Variants in LDLRAD4 observed in about 807,000 individuals in gnomAD.
The protein encoded by LDLRAD4 is low-density lipoprotein receptor class A domain-containing protein 4.
A neutral mutation model predicts 17.0 loss-of-function variants in LDLRAD4; 5 were observed. The ratio of observed to expected loss-of-function variants is 0.29; its 90% CI spans 0.15 to 0.62. The LOEUF (loss-of-function observed/expected upper bound fraction) is 0.62. Ranked by LOEUF, LDLRAD4 falls within the 20% of genes least tolerant of loss-of-function variation. The probability of loss-of-function intolerance (pLI) is 0.84; values close to 1 mark genes in which losing one functional copy is unlikely to be tolerated. For synonymous variants in LDLRAD4, 168 were observed against 171.8 expected (o/e 0.98, Z 0.17); for missense variants, 340 against 424.7 (o/e 0.80, Z 1.75).
rs397793931 is a variant in LDLRAD4 at position 13,450,326 on chromosome 18, A to ACCC, written c.181+11951_181+11953dup. Among the ~76,000 whole-genome samples, 380 of 67,994 alleles carry ACCC rather than the reference A, an allele frequency of 5.6e-3. 10 individuals are homozygous for ACCC. Among genetic ancestry groups the ACCC allele is most frequent in the South Asian group, 0.016 (24 of 1,530 alleles). 44.6% of individuals were successfully genotyped at this position (67,994 alleles called of 152,430 possible). ...CAGTGCAGTTAGCTTCTCTCCCCCCACCCCCCCCCCCAAAAAAACACACAA... is the reference window on the plus strand; with the variant it reads ...CAGTGCAGTTAGCTTCTCTCCCCCCACCCCCCCCCCCCCCAAAAAAACACACAA... On this transcript the variant is annotated intron_variant, in intron 3 of 5. Coordinates refer to ENST00000359446, the Ensembl canonical transcript of LDLRAD4.
chr18:13,495,431 C>T (rs906201349), intron 3 of LDLRAD4, among the ~76,000 whole-genome samples: 1 of 152,224 alleles, frequency 6.6e-6, no homozygotes, highest in African/African-American at 2.4e-5. Flanking sequence ...CTTCAGTCAA[C>T]AAATGTTTTC....
intron 2 of LDLRAD4, among the ~76,000 whole-genome samples, chr18:13,436,881 G>A (rs188117125): frequency 3.5e-4 from 54 of 152,346 alleles, no homozygotes; most frequent in African/African-American, 1.3e-3. Flanking sequence ...AGCTCGGCTG[G>A]TTTCTTTTTC....
upstream of LDLRAD4, among the ~76,000 whole-genome samples, chr18:13,273,270 G>T (rs2044667351): frequency 6.6e-6 from 1 of 152,058 alleles, no homozygotes; most frequent in Non-Finnish European, 1.5e-5. Flanking sequence ...TCCTGAGATG[G>T]CTCTTCACTC....
chr18:13,303,015 T>C (rs1329663176), intron 1 of LDLRAD4, among the ~76,000 whole-genome samples: 1 of 152,194 alleles, frequency 6.6e-6, no homozygotes, highest in Non-Finnish European at 1.5e-5. Flanking sequence ...GAAAGATTTA[T>C]TGGGGGTAGG....
chr18:13,624,589 CT>C (rs919843472), intron 4 of LDLRAD4, among the ~76,000 whole-genome samples: 2 of 152,164 alleles, frequency 1.3e-5, no homozygotes, highest in African/African-American at 4.8e-5. Context: ...GGCGTGGGAG[CT>C]GTAGGAGGTG....
chr18:13,513,524 C>T (rs994235100), intron 3 of LDLRAD4, among the ~76,000 whole-genome samples: 10 of 152,190 alleles, frequency 6.6e-5, no homozygotes, highest in Admixed American at 5.2e-4. Flanking sequence ...AGCTTCAGAT[C>T]TTCTTCTTGG....
At chr18:13,407,219 ACC>A (rs2087851421) in intron 2 of LDLRAD4, among the ~76,000 whole-genome samples, 1 of 152,096 alleles carries the variant, frequency 6.6e-6, no homozygotes, top group Non-Finnish European at 1.5e-5. Context: ...ACTCTGGTGC[ACC>A]CCTCATAGAG....
At chr18:13,542,250 C>T (rs921033322) in intron 3 of LDLRAD4, 1 of 152,216 alleles carries the variant, frequency 6.6e-6, no homozygotes, top group Non-Finnish European at 1.5e-5. Context: ...TGTTTAATCT[C>T]CACTGTGAGA....
intron 3 of LDLRAD4, among the ~76,000 whole-genome samples, chr18:13,452,938 G>A (rs1009527963): frequency 1.3e-5 from 2 of 152,150 alleles, no homozygotes; most frequent in Non-Finnish European, 1.5e-5. Flanking sequence ...GCAAGTGAGG[G>A]GGACCACGGG....
At chr18:13,394,501 G>T (rs1392480507) in intron 2 of LDLRAD4, among the ~76,000 whole-genome samples, 2 of 152,048 alleles carry the variant, frequency 1.3e-5, no homozygotes, top group Non-Finnish European at 2.9e-5. Context: ...AATATCCAAA[G>T]CAATTAAATA....
chr18:13,508,687 T>C (rs2093732234), intron 3 of LDLRAD4, among the ~76,000 whole-genome samples: 1 of 151,908 alleles, frequency 6.6e-6, no homozygotes, highest in African/African-American at 2.4e-5. Flanking sequence ...GACCTACTGC[T>C]CAGGAAAAAA....
At chr18:13,579,854 G>T (rs936846294) in intron 3 of LDLRAD4, among the ~76,000 whole-genome samples, 1 of 152,082 alleles carries the variant, frequency 6.6e-6, no homozygotes, top group Admixed American at 6.5e-5. Context: ...CTTTTGAAAC[G>T]CAGTCTGTCA....
At chr18:13,433,604 C>T (rs2090475406) in intron 2 of LDLRAD4, among the ~76,000 whole-genome samples, 1 of 152,140 alleles carries the variant, frequency 6.6e-6, no homozygotes. Context: ...ATTTGTCCTG[C>T]TTAAGATTGA....
intron 3 of LDLRAD4, among the ~76,000 whole-genome samples, chr18:13,523,150 C>A (rs1380761546): frequency 1.3e-5 from 2 of 152,232 alleles, no homozygotes; most frequent in African/African-American, 4.8e-5. Context: ...GATGTGCACA[C>A]CCTGGGTGGT....
intron 3 of LDLRAD4, among the ~76,000 whole-genome samples, chr18:13,609,938 C>T (rs375998171): frequency 6.6e-5 from 10 of 152,138 alleles, no homozygotes; most frequent in East Asian, 1.9e-4. Context: ...TCAGAAATTT[C>T]GCCACTGCAC....
intron 1 of LDLRAD4, among the ~76,000 whole-genome samples, chr18:13,374,225 C>T (rs2084727437): frequency 6.6e-6 from 1 of 152,132 alleles, no homozygotes; most frequent in Admixed American, 6.5e-5. Context: ...GCCCTCCCAG[C>T]CCTGACCCCA....
rs201167215 is a variant in LDLRAD4, at chr18:13,643,442, G to C, written c.390+30G>C. 2,478 of 735,430 alleles carry C rather than the reference G, an allele frequency of 3.4e-3. 51 individuals are homozygous for C. In the East Asian group the frequency reaches 0.048, roughly 14 times the overall value. The allele number at this position is 735,430 out of a possible 1,614,324, so 45.6% of individuals were successfully genotyped here. The stretch of plus-strand genomic sequence containing the variant: ...GGGGCCCCAGGAGGTGATGGCTGCG[G>C]GGGGCGGGGGGGGTGGGTGGGGATG... On this transcript the variant is annotated intron_variant, in intron 5 of 5. Transcript: ENST00000359446.
intron 3 of LDLRAD4, among the ~76,000 whole-genome samples, chr18:13,565,236 G>A (rs951778545): frequency 6.6e-6 from 1 of 152,222 alleles, no homozygotes; most frequent in African/African-American, 2.4e-5. Flanking sequence ...GTTGTCCACA[G>A]TAGAGGGTTG....
intron 1 of LDLRAD4, among the ~76,000 whole-genome samples, chr18:13,269,474 G>A (rs1001775897): frequency 6.6e-6 from 1 of 152,202 alleles, no homozygotes; most frequent in Non-Finnish European, 1.5e-5. Context: ...GGTAGTAGAA[G>A]CATGTCTCTA....
Sources: allele counts gnomAD v4.1 joint callset (sites outside exome capture counted in the v4.1 genomes callset), GRCh38; gene constraint gnomAD v4.1.1; transcripts MANE v1.5; gene names NCBI Gene and HGNC (gene_info 2026-07-23, HGNC 2026-07-21).